The following EFCAB8 variants were observed in gnomAD, a reference collection of about 807,000 sequenced individuals.
The protein encoded by EFCAB8 is EF-hand calcium binding domain 8, also known as EF-hand calcium-binding domain-containing protein 8.
In EFCAB8, 100 loss-of-function variants were observed where a neutral mutation model predicts 116.3. The ratio of observed to expected loss-of-function variants is 0.86; its 90% CI spans 0.73 to 1.02. The LOEUF is 1.02. Ranked by LOEUF, EFCAB8 falls within the 50% of genes least tolerant of loss-of-function variation. The pLI is 0.00. For missense variants in EFCAB8, 1,320 were observed against 1,416.9 expected, an observed-to-expected ratio of 0.93 and a Z score of 1.10; for synonymous variants, 558 against 567.9, an observed-to-expected ratio of 0.98 and a Z score of 0.25.
chr20:32,952,457 T>A (rs1320537865), intron 23 of EFCAB8, among the ~76,000 whole-genome samples: 1 of 152,224 alleles, frequency 6.6e-6, no homozygotes, highest in African/African-American at 2.4e-5. Context: ...AAAATTTAAA[T>A]TTTGCATGGA....
At position 32,918,472 on chromosome 20, in the gene EFCAB8, CGA is replaced by C; in HGVS notation, c.2174_2175del (p.Glu725ValfsTer59). 6.4e-7 allele frequency: 1 copy of C among 1,551,730 alleles called. No homozygotes were observed. ...TSRKLSSLSP[E>X]SVANTNLRRS... ...CCAGGAAGCTCTCCAGTCTCAGCCC[CGA>C]GTCTGTGGCCAATACCAACCTGAGG... On this transcript the variant is annotated frameshift_variant, in exon 19 of 27. Transcript: ENST00000400522. LOFTEE classifies it high-confidence loss of function.
chr20:32,878,783 A>G lies in EFCAB8; in HGVS notation c.407A>G (p.Tyr136Cys), dbSNP rs1481240585. Residue 136 changes from tyrosine to cysteine, a missense_variant, in exon 5 of 27, where the codon TAC becomes TGC. By Grantham distance (194) the Tyr-to-Cys change is radical. Transcript: ENST00000400522. ...AAGAGCCAGTACCGCCTGCACTTCT[A>G]CCTTCCCATGACGGTCGTCCCCCTG... ...MRKSQYRLHF[Y>C]LPMTVVPLNH... The G allele has an allele frequency of 6.4e-7, 1 of 1,551,982 alleles. No individual in the cohort carries two copies. Among genetic ancestry groups the G allele is most frequent in the African/African-American group, 1.4e-5 (1 of 73,018 alleles).
At chr20:32,866,450 T>A (rs1984405386) in intron 2 of EFCAB8, among the ~76,000 whole-genome samples, 1 of 151,662 alleles carries the variant, frequency 6.6e-6, no homozygotes, top group Non-Finnish European at 1.5e-5. Context: ...CCTGACACAT[T>A]ATGCTAAGTA....
intron 23 of EFCAB8, among the ~76,000 whole-genome samples, chr20:32,957,316 AT>A (rs1989000435): frequency 6.9e-6 from 1 of 145,456 alleles, no homozygotes; most frequent in African/African-American, 2.8e-5. Flanking sequence ...ACAAAATAAA[AT>A]TAAAAAAAAA....
intron 7 of EFCAB8, among the ~76,000 whole-genome samples, chr20:32,891,004 C>T (rs1292997797): frequency 6.6e-6 from 1 of 152,228 alleles, no homozygotes; most frequent in East Asian, 1.9e-4. Context: ...ATCTGTGACC[C>T]GCCTGGGCTT....
intron 7 of EFCAB8, among the ~76,000 whole-genome samples, chr20:32,890,075 AGT>A (rs1231405517): frequency 6.6e-6 from 1 of 151,456 alleles, no homozygotes; most frequent in Admixed American, 6.6e-5. Context: ...TGTGCATTAC[AGT>A]GCCCTCTGCA....
At chr20:32,902,504 A>T (rs1189414214) in intron 11 of EFCAB8, among the ~76,000 whole-genome samples, 1 of 152,134 alleles carries the variant, frequency 6.6e-6, no homozygotes, top group Non-Finnish European at 1.5e-5. Flanking sequence ...CCTAGCACTT[A>T]GGGAGGCCAA....
chr20:32,916,447 T>C (rs757735658), intron 17 of EFCAB8, among the ~76,000 whole-genome samples: 5 of 151,944 alleles, frequency 3.3e-5, no homozygotes, highest in Non-Finnish European at 7.4e-5. Context: ...TTTGTAGAGA[T>C]GTGGTCTTGC....
In EFCAB8 at chr20:32,923,590, G is replaced by A. The variant is rs191564620; in HGVS notation, c.2412+3375G>A. On this transcript the variant is annotated intron_variant, in intron 20 of 26. Transcript: ENST00000400522. ...CTCCTCAGCCTCCAGAGGTAATTAC[G>A]TTAAGACATGTGTTGTAGCCTTCTA... Among the ~76,000 whole-genome samples the A allele has an allele frequency of 2.1e-3, 326 of 152,258 alleles. 3 individuals carry two copies. The highest frequency in any genetic ancestry group is 2.2e-3 in the Non-Finnish European group (153 of 68,020).
At position 32,897,563 on chromosome 20, in the gene EFCAB8, C is replaced by T. The variant is rs140386041; in HGVS notation, c.958-930C>T. 5.3e-3 allele frequency among the ~76,000 whole-genome samples: 810 copies of T among 151,974 alleles called. 6 individuals are homozygous for T. Among genetic ancestry groups the T allele is most frequent in the African/African-American group, 0.019 (777 of 41,436 alleles). ...GCTTAGGTGATCCTCCCACCTCAGG[C>T]CCCCGAGTAGCTGGGAATACAAGCA... On this transcript the variant is annotated intron_variant, in intron 10 of 26. Coordinates refer to ENST00000400522, the MANE Select transcript of EFCAB8 (RefSeq NM_001143967.2).
At chr20:32,867,908 A>G (rs1237850824) in intron 3 of EFCAB8, among the ~76,000 whole-genome samples, 161 bp downstream of exon 3, 1 of 151,858 alleles carries the variant, frequency 6.6e-6, no homozygotes, top group Non-Finnish European at 1.5e-5. Flanking sequence ...TGGTGTGATC[A>G]CCACGGCAGC....
In EFCAB8 at chr20:32,960,229, A is replaced by G; in HGVS notation, c.3393+68A>G. 5 of 1,420,540 alleles carry G rather than the reference A, an allele frequency of 3.5e-6. No individual in the cohort carries two copies. In the South Asian group the frequency reaches 6.2e-5, roughly 18 times the overall value. 88.0% of individuals were successfully genotyped at this position (1,420,540 alleles called of 1,614,324 possible). On this transcript the variant is annotated intron_variant, in intron 26 of 26. Transcript: ENST00000400522. ...GCCAGGGGATCCCATGTCCACCAGC[A>G]GCCACCCTTGTGCCCACACAGCCCT...
chr20:32,868,784 A>G (rs1261493760), intron 3 of EFCAB8, among the ~76,000 whole-genome samples: 1 of 152,196 alleles, frequency 6.6e-6, no homozygotes, highest in Non-Finnish European at 1.5e-5. Context: ...CAGGAGTTCA[A>G]GAGCAGCCTG....
intron 20 of EFCAB8, among the ~76,000 whole-genome samples, chr20:32,922,528 A>G (rs977038991): frequency 6.6e-6 from 1 of 152,184 alleles, no homozygotes; most frequent in African/African-American, 2.4e-5. Context: ...TAGACAATTA[A>G]CCAGCAAATA....
intron 11 of EFCAB8, among the ~76,000 whole-genome samples, chr20:32,902,673 A>G (rs1441163534): frequency 6.6e-6 from 1 of 152,214 alleles, no homozygotes; most frequent in East Asian, 1.9e-4. Flanking sequence ...AGGTGGCACA[A>G]TTGACCACTT....
At chr20:32,908,600 C>T (rs548097013) in intron 14 of EFCAB8, among the ~76,000 whole-genome samples, 188 bp downstream of exon 14, 1 of 152,296 alleles carries the variant, frequency 6.6e-6, no homozygotes, top group East Asian at 1.9e-4. Context: ...TCTAGGCCCC[C>T]AGCCTGTCAC....
Position 32,961,423 on chromosome 20 carries a change from C to T in EFCAB8, c.3681C>T (p.Phe1227=). 1 of 1,457,830 alleles carries T rather than the reference C, an allele frequency of 6.9e-7. No individual in the cohort carries two copies. The highest frequency in any genetic ancestry group is 9.1e-7 in the Non-Finnish European group (1 of 1,103,382). 90.3% of individuals were successfully genotyped at this position (1,457,830 alleles called of 1,614,324 possible). ...CCTTCCTGACGCCCCAGTTCTCCTT[C>T]TTGCTGCGGCCCCAGTCAGCCTCCA... ...LPTFLTPQFS[F]LLRPQSASTA... is the part of the protein sequence containing the mutation. Residue 1227 remains phenylalanine (F), a synonymous_variant, in exon 27 of 27, where the codon TTC becomes TTT. Transcript: ENST00000400522.
chr20:32,959,446 G>A (rs1159247930), intron 24 of EFCAB8, among the ~76,000 whole-genome samples: 2 of 152,150 alleles, frequency 1.3e-5, no homozygotes, highest in African/African-American at 2.4e-5. Flanking sequence ...ATCAAACAAG[G>A]CAAAGGCAGG....
intron 10 of EFCAB8, among the ~76,000 whole-genome samples, chr20:32,897,296 G>A (rs1478024356): frequency 1.3e-5 from 2 of 152,010 alleles, no homozygotes; most frequent in East Asian, 1.9e-4. Flanking sequence ...GCTCCTCAAC[G>A]GCAGCGGCTT....
Sources: gnomAD v4.1 joint callset for allele counts (sites outside exome capture counted in the v4.1 genomes callset) on GRCh38, gnomAD v4.1.1 for gene constraint, MANE v1.5 for transcripts, NCBI Gene and HGNC (gene_info 2026-07-23, HGNC 2026-07-21) for gene names.